FHAD1: variants seen among roughly 807,000 people sequenced by gnomAD.
FHAD1 encodes the protein forkhead-associated domain-containing protein 1.
Under a neutral mutation model 191.3 loss-of-function variants are expected in FHAD1, and 146 were observed. The ratio of observed to expected loss-of-function variants is 0.76; its 90% confidence interval spans 0.67 to 0.88. FHAD1 has a LOEUF of 0.88. Ranked by LOEUF, FHAD1 falls within the 40% of genes least tolerant of loss-of-function variation. FHAD1 has a pLI of 0.00. For missense variants in FHAD1, 1,635 were observed against 1,785.8 expected (o/e 0.92, Z 1.52); for synonymous variants, 616 against 672.3 (o/e 0.92, Z 1.29).
chr1:15,328,616 G>A (rs1317575578), intron 13 of FHAD1, 187 bp downstream of exon 13: 8 of 477,434 alleles, frequency 1.7e-5, no homozygotes, highest in Admixed American at 8.3e-5. Context: ...AATGCCTCCC[G>A]GGAGAACTTG....
chr1:15,248,534 G>C (rs1378371013), intron 1 of FHAD1, among the ~76,000 whole-genome samples: 4 of 152,026 alleles, frequency 2.6e-5, no homozygotes, highest in Non-Finnish European at 5.9e-5. Context: ...TCTTTTAAAA[G>C]GGGCTGCTAG....
intron 32 of FHAD1, 95 bp downstream of exon 32, chr1:15,388,226 C>G: frequency 1.4e-6 from 1 of 706,778 alleles, no homozygotes; most frequent in Non-Finnish European, 2.2e-6. Context: ...ACGCGCTGCC[C>G]AAGGAGCACT....
At chr1:15,324,342 G>A in intron 10 of FHAD1, 110 bp from the exon 11 acceptor site, 1 of 838,338 alleles carries the variant, frequency 1.2e-6, no homozygotes, top group East Asian at 2.7e-5. Context: ...GGCTGCAGCT[G>A]TGCCTACCCC....
At chr1:15,358,824 C>T (rs1227122965) in intron 21 of FHAD1, among the ~76,000 whole-genome samples, 2 of 152,140 alleles carry the variant, frequency 1.3e-5, no homozygotes, top group Admixed American at 6.6e-5. Flanking sequence ...GCAAGGAATT[C>T]ATGAAGGTGA....
rs1387957587 is a variant in FHAD1, at chr1:15,251,962, C to T, written c.93+85C>T. The stretch of plus-strand genomic sequence containing the variant: ...ACAGTCCTTAGCGTTATGTGGACTC[C>T]AGTCTCTTGTACACCACAACCTGGG... On this transcript the variant is annotated intron_variant, in intron 2 of 33. Transcript: ENST00000688493. The T allele has an allele frequency of 1.1e-5, 12 of 1,135,984 alleles. No homozygotes were observed. In the Admixed American group the frequency reaches 2.6e-4, roughly 25 times the overall value. 70.4% of individuals were successfully genotyped at this position (1,135,984 alleles called of 1,614,324 possible). A position where few individuals can be genotyped will look rare whatever the true frequency, so the allele number is the denominator to read the frequency against.
intron 27 of FHAD1, among the ~76,000 whole-genome samples, chr1:15,374,975 C>T (rs1042586249): frequency 4.0e-5 from 6 of 151,548 alleles, no homozygotes; most frequent in African/African-American, 1.2e-4. Flanking sequence ...TGTCCTGCCT[C>T]AGCCTCCCTA....
chr1:15,373,476 C>T (rs1043572857), intron 26 of FHAD1, among the ~76,000 whole-genome samples: 6 of 151,354 alleles, frequency 4.0e-5, no homozygotes, highest in Non-Finnish European at 5.9e-5. Context: ...CACGCCACTG[C>T]ACTGTAGCCT....
At chr1:15,294,867 C>T (rs1666391125) in intron 4 of FHAD1, among the ~76,000 whole-genome samples, 1 of 152,122 alleles carries the variant, frequency 6.6e-6, no homozygotes, top group Non-Finnish European at 1.5e-5. Flanking sequence ...GGTGCTCGCC[C>T]TTCTCCTCGA....
chr1:15,313,119 G>A lies in FHAD1; in HGVS notation c.1102G>A (p.Glu368Lys), dbSNP rs1672792718. 6.4e-7 allele frequency: 1 copy of A among 1,551,732 alleles called. No homozygotes were observed. Among genetic ancestry groups the A allele is most frequent in the Non-Finnish European group, 8.7e-7 (1 of 1,147,030 alleles). Reference sequence around the variant, plus strand: ...GGATGAGCAAGTTCAACAACTAAAGGAAGAGGTCAGTCACCTAAAAAGTCA... The same window carrying A: ...GGATGAGCAAGTTCAACAACTAAAGAAAGAGGTCAGTCACCTAAAAAGTCA... The part of the protein sequence containing the change: ...AKDEQVQQLK[E>K]EVSHLKSQNK... Residue 368 changes from glutamate (E) to lysine (K), a missense_variant, in exon 8 of 34, where the codon GAA (glutamate) becomes AAA (lysine). Glu to Lys is a moderately conservative substitution (Grantham distance 56). Transcript: ENST00000688493.
At chr1:15,241,038 C>T (rs141839236) in intron 1 of FHAD1, among the ~76,000 whole-genome samples, 170 of 152,082 alleles carry the variant, frequency 1.1e-3, no homozygotes, top group African/African-American at 2.9e-3. Context: ...GAGATCCCAG[C>T]TTGGCCAGCT....
At chr1:15,240,632 A>G (rs375092657) in intron 1 of FHAD1, among the ~76,000 whole-genome samples, 1 of 11,812 alleles carries the variant, frequency 8.5e-5, no homozygotes. Context: ...CCCTGTCTCA[A>G]AAAAAAAAAA....
In FHAD1 at chr1:15,327,102, G is replaced by A. The variant is rs1276446452; in HGVS notation, c.1517G>A (p.Arg506Gln). Reference sequence around the variant, plus strand: ...CAAGTCATCAAGGCCACCTATGGACGGGCGAAGCCGTTCCGGGACAAGCCC... The same window carrying A: ...CAAGTCATCAAGGCCACCTATGGACAGGCGAAGCCGTTCCGGGACAAGCCC... ...RSQVIKATYG[R>Q]AKPFRDKPVT... The change falls in exon 12 of 34, where the codon CGG becomes CAG. Residue 506 changes from arginine (R) to glutamine (Q), a missense_variant. Arg to Gln is a conservative substitution (Grantham distance 43). Transcript: ENST00000688493. The surrounding 1 kb of genome is among the most constrained non-coding windows in gnomAD (Gnocchi z 5.1). 27 of 1,551,106 alleles carry A rather than the reference G, an allele frequency of 1.7e-5. No individual in the cohort carries two copies. Among genetic ancestry groups the A allele is most frequent in the African/African-American group, 4.1e-5 (3 of 72,986 alleles).
At chr1:15,324,281 G>C (rs1335184081) in intron 10 of FHAD1, among the ~76,000 whole-genome samples, 171 bp from the exon 11 acceptor site, 4 of 151,864 alleles carry the variant, frequency 2.6e-5, no homozygotes. Context: ...AACGGACAGT[G>C]CCCCCCTAGC....
At position 15,294,154 on chromosome 1, in the gene FHAD1, C is replaced by G. The variant is rs536476313; in HGVS notation, c.569-2530C>G. Among the ~76,000 whole-genome samples the G allele has an allele frequency of 7.2e-5, 11 of 152,316 alleles. No homozygotes were observed. In the South Asian group the frequency reaches 2.3e-3, roughly 32 times the overall value. ...TAGGAGAACACTTCCGGCTCCAGGC[C>G]TCCAGGTTGGCTCTCCATTGAAAGC... is the stretch of plus-strand genomic sequence containing the variant. On this transcript the variant is annotated intron_variant, in intron 4 of 33. Coordinates refer to ENST00000688493, the MANE Select transcript of FHAD1 (RefSeq NM_001391957.1).
chr1:15,374,528 C>G lies in FHAD1; in HGVS notation c.3474C>G (p.Val1158=), dbSNP rs1297367878. 6.4e-7 allele frequency: 1 copy of G among 1,551,702 alleles called. No homozygotes were observed. The highest frequency in any genetic ancestry group is 2.0e-5 in the Admixed American group (1 of 50,988). The change falls in exon 27 of 34, where the codon GTC becomes GTG. Residue 1158 remains valine, a synonymous_variant. Transcript: ENST00000688493. ...QEQQSFSDLG[V]RCKGSRHEEV... Reference sequence around the variant, plus strand: ...AGCAATCCTTCAGCGATCTAGGGGTCAGGTGCAAAGGGTCCCGGCACGAGG... The same window carrying G: ...AGCAATCCTTCAGCGATCTAGGGGTGAGGTGCAAAGGGTCCCGGCACGAGG...
Position 15,391,268 on chromosome 1 carries a change from G to A in FHAD1, c.4323+5G>A. On this transcript the variant is annotated splice_donor_5th_base_variant and intron_variant, in intron 33 of 33. Coordinates refer to ENST00000688493, the MANE Select transcript of FHAD1 (RefSeq NM_001391957.1). ...ATGCAGAACTCAAATTCCCAGGTGAGCAGAAAGAGCATCCTTTAGAATTCT... is the reference window on the plus strand; with the variant it reads ...ATGCAGAACTCAAATTCCCAGGTGAACAGAAAGAGCATCCTTTAGAATTCT... 1.6e-6 allele frequency: 2 copies of A among 1,284,948 alleles called. No individual in the cohort carries two copies. Among genetic ancestry groups the A allele is most frequent in the Non-Finnish European group, 1.0e-6 (1 of 984,918 alleles). The allele number at this position is 1,284,948 out of a possible 1,614,324, so 79.6% of individuals were successfully genotyped here. A position where few individuals can be genotyped will look rare whatever the true frequency, so the allele number is the denominator to read the frequency against.
intron 4 of FHAD1, among the ~76,000 whole-genome samples, chr1:15,294,848 C>T (rs541483090): frequency 8.5e-5 from 13 of 152,216 alleles, no homozygotes; most frequent in Admixed American, 7.2e-4. Context: ...TCAAGGCCCC[C>T]GTCTTGGTGG....
At chr1:15,300,932 C>T (rs1292464998) in intron 5 of FHAD1, among the ~76,000 whole-genome samples, 3 of 152,112 alleles carry the variant, frequency 2.0e-5, no homozygotes, top group East Asian at 1.9e-4. Flanking sequence ...CGGGTTCAAG[C>T]GATTCTCCTG....
rs146937425 is a variant in FHAD1, at chr1:15,396,108, G to A, written c.4324-1189G>A. ...GCAGATCACTTGAGCCCAGGAACTC[G>A]AGACCAGCCTGGGCAACATGGCAAA... On this transcript the variant is annotated intron_variant, in intron 33 of 33. Coordinates refer to ENST00000688493, the MANE Select transcript of FHAD1 (RefSeq NM_001391957.1). Among the ~76,000 whole-genome samples, 10 of 152,112 alleles carry A rather than the reference G, an allele frequency of 6.6e-5. 1 individual carries two copies. Among genetic ancestry groups the A allele is most frequent in the African/African-American group, 1.9e-4 (8 of 41,486 alleles).
Sources: allele counts gnomAD v4.1 joint callset (sites outside exome capture counted in the v4.1 genomes callset), GRCh38; gene constraint gnomAD v4.1.1; non-coding constraint Gnocchi (gnomAD v3.1); transcripts MANE v1.5; gene names NCBI Gene and HGNC (gene_info 2026-07-23, HGNC 2026-07-21).